The following RARS2 variants were observed in gnomAD, a reference collection of about 807,000 sequenced individuals.
The protein encoded by RARS2 is probable arginine--tRNA ligase, mitochondrial.
A neutral mutation model predicts 88.5 loss-of-function variants in RARS2; 67 were observed. The observed-to-expected ratio is 0.76, with a 90% CI of 0.62 to 0.93. The LOEUF is 0.93. Ranked by LOEUF, RARS2 falls within the 40% of genes least tolerant of loss-of-function variation. RARS2 has a pLI of 0.00. For missense variants in RARS2, 664 were observed against 684.2 expected (o/e 0.97, Z 0.33); for synonymous variants, 239 against 230.3 (o/e 1.04, Z -0.34).
Position 87,564,273 on chromosome 6 carries a change from A to T in RARS2, c.111-41T>A, listed in dbSNP as rs115160044. ...GAAACGAGATAGAACTGTTACCTTAAAAGCATTAGTTGTTAAACAAAGACT... is the reference window on the plus strand; with the variant it reads ...GAAACGAGATAGAACTGTTACCTTATAAGCATTAGTTGTTAAACAAAGACT... On this transcript the variant is annotated intron_variant, in intron 2 of 19. Transcript: ENST00000369536. The T allele has an allele frequency of 7.2e-4, 999 of 1,395,940 alleles. 6 individuals are homozygous for T. The African/African-American group carries it at 0.012, about 17-fold the overall frequency. 86.5% of individuals were successfully genotyped at this position (1,395,940 alleles called of 1,614,324 possible).
intron 8 of RARS2, among the ~76,000 whole-genome samples, chr6:87,540,303 A>T (rs1780506429): frequency 6.6e-6 from 1 of 151,702 alleles, no homozygotes; most frequent in Admixed American, 6.6e-5. Context: ...ACAAAAAAAA[A>T]ATAGCTGGGT....
intron 17 of RARS2, 146 bp from the exon 18 acceptor site, chr6:87,517,026 C>T (rs1261329256): frequency 1.6e-6 from 2 of 1,284,696 alleles, no homozygotes; most frequent in Non-Finnish European, 2.1e-6. Flanking sequence ...CGTCTGTAAT[C>T]CCAGCACTTT....
Position 87,587,406 on chromosome 6 carries a change from T to G in RARS2, c.36+2516A>C, listed in dbSNP as rs2128232001. On this transcript the variant is annotated intron_variant, in intron 1 of 19. Transcript: ENST00000369536. ...GTATTGAAAATATTATTATTTATCC[T>G]CAAGTTTCAGATCATTCCCCAATGA... 1.3e-5 allele frequency among the ~76,000 whole-genome samples: 2 copies of G among 152,342 alleles called. 1 individual carries two copies. The highest frequency in any genetic ancestry group is 4.1e-4 in the South Asian group (2 of 4,828).
intron 17 of RARS2, among the ~76,000 whole-genome samples, chr6:87,517,109 C>T (rs944197203): frequency 2.0e-5 from 3 of 152,090 alleles, no homozygotes; most frequent in African/African-American, 7.2e-5. Flanking sequence ...AAACCCCATT[C>T]TCTACTAAAA....
chr6:87,566,387 G>A (rs566637320), intron 2 of RARS2, among the ~76,000 whole-genome samples: 2 of 152,264 alleles, frequency 1.3e-5, no homozygotes, highest in African/African-American at 2.4e-5. Context: ...TACTGTAGTA[G>A]ACTATTGGGG....
chr6:87,553,765 C>G (rs769863946), intron 5 of RARS2, among the ~76,000 whole-genome samples: 4 of 152,190 alleles, frequency 2.6e-5, no homozygotes, highest in Non-Finnish European at 4.4e-5. Context: ...GTAGGAATCC[C>G]TCTACTCTTT....
intron 2 of RARS2, 68 bp downstream of exon 2, chr6:87,569,449 T>C: frequency 8.2e-7 from 1 of 1,220,572 alleles, no homozygotes; most frequent in Non-Finnish European, 1.2e-6. Context: ...CAATTCTTTT[T>C]TGCTTTTTTG....
At chr6:87,552,224 ATGTTGCTTGGTC>A (rs1784559773) in intron 5 of RARS2, among the ~76,000 whole-genome samples, 1 of 152,146 alleles carries the variant, frequency 6.6e-6, no homozygotes, top group South Asian at 2.1e-4. Context: ...TTTCTGGGGA[ATGTTGCTTGGTC>A]TGTTCAGGAT....
chr6:87,564,473 A>G (rs1219759165), intron 2 of RARS2: 1 of 469,256 alleles, frequency 2.1e-6, no homozygotes, highest in Non-Finnish European at 3.9e-6. Context: ...GCCTGGCCAC[A>G]TGGTAAAACC....
chr6:87,551,860 A>C (rs1038775377), intron 5 of RARS2, among the ~76,000 whole-genome samples: 10 of 152,224 alleles, frequency 6.6e-5, no homozygotes, highest in African/African-American at 1.9e-4. Flanking sequence ...AGAAAAGAAA[A>C]GGCTACCACT....
intron 11 of RARS2, among the ~76,000 whole-genome samples, chr6:87,523,433 T>C (rs894570633): frequency 7.2e-5 from 11 of 152,136 alleles, no homozygotes; most frequent in African/African-American, 2.4e-4. Flanking sequence ...AGAAACCCAT[T>C]AGAAGGCAGA....
chr6:87,589,834 A>C, intron 1 of RARS2, 88 bp downstream of exon 1: 1 of 1,613,674 alleles, frequency 6.2e-7, no homozygotes, highest in Non-Finnish European at 8.5e-7. Flanking sequence ...CCCACCCTCC[A>C]GCTGACTGAG....
chr6:87,568,725 T>G (rs1301674843), intron 2 of RARS2, among the ~76,000 whole-genome samples: 3 of 152,228 alleles, frequency 2.0e-5, no homozygotes, highest in Non-Finnish European at 4.4e-5. Flanking sequence ...TTTCTCTTTC[T>G]TTTCCACTTA....
chr6:87,521,101 G>A (rs1409988137), intron 12 of RARS2, among the ~76,000 whole-genome samples: 2 of 151,992 alleles, frequency 1.3e-5, no homozygotes, highest in African/African-American at 2.4e-5. Flanking sequence ...GGGAAACACC[G>A]TACTATTTTG....
At position 87,516,847 on chromosome 6, in the gene RARS2, G is replaced by A. The variant is rs1182234741; in HGVS notation, c.1545C>T (p.Asp515=). 5 of 1,613,866 alleles carry A rather than the reference G, an allele frequency of 3.1e-6. No homozygotes were observed. In the East Asian group the frequency reaches 1.1e-4, roughly 36 times the overall value. Residue 515 remains aspartate, a synonymous_variant, in exon 18 of 20, where the codon GAC becomes GAT. Coordinates refer to ENST00000369536, the MANE Select transcript of RARS2 (RefSeq NM_020320.5). ...FDEVLYKSSQ[D]FQPRHIVSYL... is the part of the protein sequence containing the mutation. ...AACTGACGATATGCCTGGGTTGAAA[G>A]TCCTGAGATGATTTATAAAGCACCT...
chr6:87,569,723 A>C (rs1045888817), intron 1 of RARS2, 133 bp from the exon 2 acceptor site: 7 of 753,358 alleles, frequency 9.3e-6, no homozygotes, highest in Non-Finnish European at 1.4e-5. Context: ...AAGTGAAGGA[A>C]GCCAGATTCA....
intron 1 of RARS2, among the ~76,000 whole-genome samples, chr6:87,587,998 G>A (rs964449032): frequency 1.3e-5 from 2 of 151,990 alleles, no homozygotes; most frequent in Non-Finnish European, 2.9e-5. Flanking sequence ...GGTCTTGAAC[G>A]TCTCAGTTCA....
intron 1 of RARS2, among the ~76,000 whole-genome samples, chr6:87,578,958 CAAAAAAAAAAAAA>C (rs72383675): frequency 9.6e-5 from 4 of 41,884 alleles, no homozygotes; most frequent in Non-Finnish European, 1.6e-4. Context: ...GAGACTGTCT[CAAAAAAAAAAAAA>C]AAAAAAAAAA....
At chr6:87,520,603 G>A (rs1773522428) in intron 12 of RARS2, among the ~76,000 whole-genome samples, 1 of 152,128 alleles carries the variant, frequency 6.6e-6, no homozygotes, top group African/African-American at 2.4e-5. Flanking sequence ...TCTTCTAAGT[G>A]GAAAGGAAGG....
Sources: gnomAD v4.1 joint callset for allele counts (sites outside exome capture counted in the v4.1 genomes callset) on GRCh38, gnomAD v4.1.1 for gene constraint, MANE v1.5 for transcripts, NCBI Gene and HGNC (gene_info 2026-07-23, HGNC 2026-07-21) for gene names.